The following ATAD3C variants were observed in gnomAD, a reference collection of about 807,000 sequenced individuals.
The protein encoded by ATAD3C is ATPase family AAA domain containing 3C.
Under a neutral mutation model 46.3 loss-of-function variants are expected in ATAD3C, and 38 were observed. That is an observed-to-expected ratio of 0.82 (90% CI 0.63 to 1.08). The LOEUF is 1.08. Among genes scored for constraint, ATAD3C ranks in the 50% least tolerant of loss-of-function variants. ATAD3C has a pLI of 0.00. For synonymous variants in ATAD3C, 220 were observed against 236.4 expected (o/e 0.93, Z 0.63); for missense variants, 563 against 572.7 (o/e 0.98, Z 0.17).
Position 1,459,961 on chromosome 1 carries a change from T to C in ATAD3C, c.812+730T>C, listed in dbSNP as rs1346249007. 2.0e-5 allele frequency among the ~76,000 whole-genome samples: 3 copies of C among 151,850 alleles called. No homozygotes were observed. Among genetic ancestry groups the C allele is most frequent in the Non-Finnish European group, 4.4e-5 (3 of 67,962 alleles). ...TGGGTCAGCTGCTGCCGGTAGACGCTCCCTGGAGCCCTGACTCGGGTCCTT... is the reference window on the plus strand; with the variant it reads ...TGGGTCAGCTGCTGCCGGTAGACGCCCCCTGGAGCCCTGACTCGGGTCCTT... On this transcript the variant is annotated intron_variant, in intron 9 of 11. Transcript: ENST00000378785. This position sits in a 1 kb window ranked among gnomAD's most constrained non-coding sequence, Gnocchi z 4.9.
In ATAD3C at chr1:1,468,548, A is replaced by G; in HGVS notation, c.*18A>G. On this transcript the variant is annotated 3_prime_UTR_variant, in exon 12 of 12. Coordinates refer to ENST00000378785, the MANE Select transcript of ATAD3C (RefSeq NM_001039211.3). ...CATCCTGAGTCCATGGGGAGACCAC[A>G]CCTCACGGAGCCTGGCCGCGGACCC... 1 of 1,592,808 alleles carries G rather than the reference A, an allele frequency of 6.3e-7. No homozygotes were observed. The highest frequency in any genetic ancestry group is 8.6e-7 in the Non-Finnish European group (1 of 1,168,894).
intron 5 of ATAD3C, 64 bp downstream of exon 5, chr1:1,455,583 T>C: frequency 6.2e-7 from 1 of 1,606,390 alleles, no homozygotes; most frequent in Non-Finnish European, 8.5e-7. Context: ...GGCTGGGCTG[T>C]GGCCCTTGCT....
chr1:1,455,237 A>C (rs1157255764), intron 4 of ATAD3C, among the ~76,000 whole-genome samples: 1 of 150,478 alleles, frequency 6.6e-6, no homozygotes, highest in East Asian at 1.9e-4. Context: ...AAAAAAAAAA[A>C]AAAAAACCCA....
In ATAD3C at chr1:1,460,706, C is replaced by T. The variant is rs183176671; in HGVS notation, c.813-44C>T. On this transcript the variant is annotated intron_variant, in intron 9 of 11. Transcript: ENST00000378785. ...AGCACCTGTTCCCCTGGGGACAGCT[C>T]GGCCGGCAGCCCCAGCGTTTCCTTC... 998 of 1,550,284 alleles carry T rather than the reference C, an allele frequency of 6.4e-4. 10 individuals are homozygous for T. The African/African-American group carries it at 0.011, about 18-fold the overall frequency.
chr1:1,452,211 G>A, intron 2 of ATAD3C, 89 bp downstream of exon 2: 2 of 1,583,270 alleles, frequency 1.3e-6, no homozygotes, highest in South Asian at 1.1e-5. Flanking sequence ...GCTCTCCCAG[G>A]TCTGGCCGCT....
rs572992447 is a variant in ATAD3C, at chr1:1,454,412, G to A, written c.290G>A (p.Arg97His). 7.1e-4 allele frequency: 1,139 copies of A among 1,608,252 alleles called. 22 individuals carry two copies. In the South Asian group the frequency reaches 0.011, roughly 15 times the overall value. Reference protein sequence around the residue: ...SAKNATAVTGRYIEARLGKPS... With the variant: ...SAKNATAVTGHYIEARLGKPS... ...AAGAATGCGACAGCCGTCACTGGCC[G>A]CTACATCGAGGCTCGGCTGGGGAAG... Residue 97 changes from arginine (R) to histidine (H), a missense_variant, in exon 4 of 12, where the codon CGC (arginine) becomes CAC (histidine). Physicochemically the swap from Arg to His is conservative, Grantham distance 29. Around this residue, in one of 3 missense-constraint regions of ATAD3C, gnomAD observed 263 missense variants for 243.1 expected, o/e 1.08. Coordinates refer to ENST00000378785, the MANE Select transcript of ATAD3C (RefSeq NM_001039211.3).
intron 9 of ATAD3C, among the ~76,000 whole-genome samples, chr1:1,460,235 G>A (rs1359704934): frequency 6.6e-6 from 1 of 151,900 alleles, no homozygotes; most frequent in Admixed American, 6.6e-5. Context: ...ACCACACCCG[G>A]CTGATTTTTT....
chr1:1,450,512 G>T lies in ATAD3C; in HGVS notation c.-172G>T, dbSNP rs528599080. On this transcript the variant is annotated 5_prime_UTR_variant, in exon 1 of 12. Coordinates refer to ENST00000378785, the MANE Select transcript of ATAD3C (RefSeq NM_001039211.3). ...GCATCAGGCCGTGTGCTGGGGATGG[G>T]GCATCGTCACGCCAGGTCTGACTAG... 1.7e-4 allele frequency: 136 copies of T among 809,356 alleles called. 1 individual carries two copies. The highest frequency in any genetic ancestry group is 5.2e-4 in the Admixed American group (23 of 44,274). The allele number at this position is 809,356 out of a possible 1,614,324, so 50.1% of individuals were successfully genotyped here. A position where few individuals can be genotyped will look rare whatever the true frequency, so the allele number is the denominator to read the frequency against.
intron 9 of ATAD3C, among the ~76,000 whole-genome samples, chr1:1,460,028 A>AC (rs1262907064): frequency 6.7e-6 from 1 of 150,066 alleles, no homozygotes; most frequent in Non-Finnish European, 1.5e-5. Flanking sequence ...CCTCCAGTGA[A>AC]CCCGGGCCCC....
At chr1:1,463,276 CT>C (rs1639099283) in intron 11 of ATAD3C, among the ~76,000 whole-genome samples, 1 of 152,074 alleles carries the variant, frequency 6.6e-6, no homozygotes, top group African/African-American at 2.4e-5. Flanking sequence ...ATCCAGAAAG[CT>C]TTGGTCTTTG....
chr1:1,467,232 C>G lies in ATAD3C; in HGVS notation c.1090-1152C>G, dbSNP rs536108969. On this transcript the variant is annotated intron_variant, in intron 11 of 11. Transcript: ENST00000378785. ...GGGTGGCTCCGTGAGCATCTGCTCACCCCCTTTCCTCTGCTGGGCCCTGGG... is the reference window on the plus strand; with the variant it reads ...GGGTGGCTCCGTGAGCATCTGCTCAGCCCCTTTCCTCTGCTGGGCCCTGGG... Among the ~76,000 whole-genome samples, 67 of 152,058 alleles carry G rather than the reference C, an allele frequency of 4.4e-4. No individual in the cohort carries two copies. In the South Asian group the frequency reaches 5.6e-3, roughly 13 times the overall value.
chr1:1,463,053 C>A (rs1639096059), intron 11 of ATAD3C, among the ~76,000 whole-genome samples: 1 of 152,064 alleles, frequency 6.6e-6, no homozygotes, highest in Non-Finnish European at 1.5e-5. Flanking sequence ...TCAGGACAGG[C>A]CCCTTGTGAG....
intron 7 of ATAD3C, among the ~76,000 whole-genome samples, chr1:1,456,815 G>A (rs1026530472): frequency 1.3e-5 from 2 of 151,498 alleles, no homozygotes; most frequent in South Asian, 2.1e-4. Flanking sequence ...GGCTGTCCTC[G>A]TTGGAACCAC....
intron 11 of ATAD3C, among the ~76,000 whole-genome samples, chr1:1,465,441 AT>A (rs1557781977): frequency 1.3e-5 from 2 of 151,004 alleles, no homozygotes; most frequent in Non-Finnish European, 3.0e-5. Context: ...AATACAAAAA[AT>A]TAGCCGGGCG....
At chr1:1,453,465 G>A (rs947394431) in intron 3 of ATAD3C, among the ~76,000 whole-genome samples, 1 of 151,870 alleles carries the variant, frequency 6.6e-6, no homozygotes, top group Non-Finnish European at 1.5e-5. Flanking sequence ...GCCTCAGAAA[G>A]TGCTATGATT....
At chr1:1,455,231 A>C (rs1236053560) in intron 4 of ATAD3C, among the ~76,000 whole-genome samples, 1 of 150,406 alleles carries the variant, frequency 6.6e-6, no homozygotes, top group Non-Finnish European at 1.5e-5. Flanking sequence ...AAAAAAAAAA[A>C]AAAAAAAAAA....
rs559972499 is a variant in ATAD3C at position 1,462,443 on chromosome 1, C to T, written c.981-157C>T. The T allele has an allele frequency of 2.6e-4, 201 of 771,040 alleles. No homozygotes were observed. Among genetic ancestry groups the T allele is most frequent in the South Asian group, 1.0e-3 (61 of 60,608 alleles). 47.8% of individuals were successfully genotyped at this position (771,040 alleles called of 1,614,324 possible). A position where few individuals can be genotyped will look rare whatever the true frequency, so the allele number is the denominator to read the frequency against. Reference sequence around the variant, plus strand: ...TCCTGCTCAGCCCAGGCCTGGCTTGCGTCAGGAAGGGGGCGGAACTTGGCT... The same window carrying T: ...TCCTGCTCAGCCCAGGCCTGGCTTGTGTCAGGAAGGGGGCGGAACTTGGCT... On this transcript the variant is annotated intron_variant, in intron 10 of 11. Coordinates refer to ENST00000378785, the MANE Select transcript of ATAD3C (RefSeq NM_001039211.3). This position sits in a 1 kb window ranked among gnomAD's most constrained non-coding sequence, Gnocchi z 4.5.
At chr1:1,452,309 G>A in intron 2 of ATAD3C, 56 bp from the exon 3 acceptor site, 1 of 1,612,232 alleles carries the variant, frequency 6.2e-7, no homozygotes, top group South Asian at 1.1e-5. Flanking sequence ...ACCTGTTCTT[G>A]CTACGTGGCG....
chr1:1,451,713 A>T (rs1243927560), intron 1 of ATAD3C, among the ~76,000 whole-genome samples: 1 of 151,952 alleles, frequency 6.6e-6, no homozygotes, highest in Non-Finnish European at 1.5e-5. Flanking sequence ...TGTAGCTTTA[A>T]CGTTTAATTG....
Sources: allele counts gnomAD v4.1 joint callset (sites outside exome capture counted in the v4.1 genomes callset), GRCh38; gene constraint gnomAD v4.1.1; regional missense constraint gnomAD v4.1.1; non-coding constraint Gnocchi (gnomAD v3.1); transcripts MANE v1.5; gene names NCBI Gene and HGNC (gene_info 2026-07-23, HGNC 2026-07-21).